RFX1: variants seen among roughly 807,000 people sequenced by gnomAD.
RFX1 encodes the protein MHC class II regulatory factor RFX1.
In RFX1, 42 loss-of-function variants were observed where a neutral mutation model predicts 119.6. The ratio of observed to expected loss-of-function variants is 0.35; its 90% CI spans 0.27 to 0.45. RFX1 has a LOEUF of 0.45. Ranked by LOEUF, RFX1 falls within the 20% of genes least tolerant of loss-of-function variation. RFX1 has a pLI of 1.00. For missense variants in RFX1, 1,118 were observed against 1,368.1 expected (o/e 0.82, Z 2.88); for synonymous variants, 628 against 618.5 (o/e 1.02, Z -0.23).
chr19:13,964,145 G>T, intron 16 of RFX1, 138 bp from the exon 17 acceptor site: 1 of 938,878 alleles, frequency 1.1e-6, no homozygotes, highest in Non-Finnish European at 1.5e-6. Flanking sequence ...CTTTTGTTGG[G>T]ACACAGAAGG....
intron 4 of RFX1, among the ~76,000 whole-genome samples, chr19:13,982,751 C>A (rs867543068): frequency 6.6e-6 from 1 of 152,154 alleles, no homozygotes; most frequent in African/African-American, 2.4e-5. Context: ...TTGCAGTGAG[C>A]CGAGATCGAG....
chr19:13,970,004 G>A lies in RFX1; in HGVS notation c.1486C>T (p.Leu496=). 1.2e-6 allele frequency: 2 copies of A among 1,610,262 alleles called. No individual in the cohort carries two copies. The highest frequency in any genetic ancestry group is 1.7e-6 in the Non-Finnish European group (2 of 1,177,902). ...SVFMGLRTRR[L]GTRGNSKYHY... is the part of the protein sequence containing the mutation. ...GACGGATGGCCCTACCTGGTGCCCA[G>A]ACGGCGGGTTCGCAGGCCCATGAAG... Residue 496 remains leucine, a synonymous_variant, in exon 10 of 21, where the codon CTG becomes TTG. Transcript: ENST00000254325.
In RFX1 at chr19:13,963,054, G is replaced by C. The variant is rs1295503176; in HGVS notation, c.2725-15C>G. On this transcript the variant is annotated splice_polypyrimidine_tract_variant and intron_variant, in intron 19 of 20. Coordinates refer to ENST00000254325, the MANE Select transcript of RFX1 (RefSeq NM_002918.5). ...AGATTGGCGAACTGGAGGAAGAAGAGAAGAAAATGGGTGAGGGTCCCGCCG... is the reference window on the plus strand; with the variant it reads ...AGATTGGCGAACTGGAGGAAGAAGACAAGAAAATGGGTGAGGGTCCCGCCG... The C allele has an allele frequency of 6.3e-7, 1 of 1,580,034 alleles. No homozygotes were observed. The highest frequency in any genetic ancestry group is 1.3e-5 in the African/African-American group (1 of 74,416).
In RFX1 at chr19:13,962,799, C is replaced by T; in HGVS notation, c.2836G>A (p.Gly946Ser). 6.5e-7 allele frequency: 1 copy of T among 1,530,064 alleles called. No homozygotes were observed. The highest frequency in any genetic ancestry group is 8.7e-7 in the Non-Finnish European group (1 of 1,143,076). The allele number at this position is 1,530,064 out of a possible 1,614,324, so 94.8% of individuals were successfully genotyped here. A position where few individuals can be genotyped will look rare whatever the true frequency, so the allele number is the denominator to read the frequency against. Residue 946 changes from glycine to serine, a missense_variant, in exon 21 of 21, where the codon GGC (glycine) becomes AGC (serine). By Grantham distance (56) the Gly-to-Ser change is moderately conservative. Around this residue, in one of 5 missense-constraint regions of RFX1, gnomAD observed 138 missense variants for 117.8 expected, o/e 1.17. Transcript: ENST00000254325. ...GGGCCCAGCGCGGGTGACTCGCCGC[C>T]AGCCGCCAGTGAGATGTCCTGCGGC... Reference protein sequence around the residue: ...ELPQDISLAAGGESPALGPET... With the variant: ...ELPQDISLAASGESPALGPET...
intron 1 of RFX1, among the ~76,000 whole-genome samples, chr19:13,995,222 G>C (rs1327958059): frequency 6.6e-6 from 1 of 151,906 alleles, no homozygotes; most frequent in Non-Finnish European, 1.5e-5. Context: ...GGTGTTCTAT[G>C]CTCCTGACTC....
At chr19:13,999,644 G>A (rs1975147460) in intron 1 of RFX1, among the ~76,000 whole-genome samples, 1 of 151,982 alleles carries the variant, frequency 6.6e-6, no homozygotes, top group Admixed American at 6.6e-5. Flanking sequence ...CAGGCAGCAG[G>A]CCATAGTTTG....
At position 13,965,800 on chromosome 19, in the gene RFX1, G is replaced by T; in HGVS notation, c.1962-23C>A. The T allele has an allele frequency of 6.2e-7, 1 of 1,610,532 alleles. No homozygotes were observed. The highest frequency in any genetic ancestry group is 1.1e-5 in the South Asian group (1 of 90,794). On this transcript the variant is annotated intron_variant, in intron 14 of 20. Transcript: ENST00000254325. The surrounding 1 kb of genome is among the most constrained non-coding windows in gnomAD (Gnocchi z 4.7). ...TGTCTGCGGGCACCCACCCCACCCC[G>T]GGTCACTGGGGTACTCTATGGTCCT...
chr19:14,004,144 C>T (rs968083965), intron 1 of RFX1, among the ~76,000 whole-genome samples: 3 of 152,076 alleles, frequency 2.0e-5, no homozygotes, highest in Non-Finnish European at 4.4e-5. Flanking sequence ...AGGTGATCCG[C>T]CCACCTCAGC....
intron 2 of RFX1, among the ~76,000 whole-genome samples, chr19:13,989,228 TAGGA>T (rs1974716963): frequency 6.7e-6 from 1 of 149,902 alleles, no homozygotes; most frequent in African/African-American, 2.5e-5. Flanking sequence ...TGTGGAGCTG[TAGGA>T]AGGCAAGAGG....
intron 1 of RFX1, among the ~76,000 whole-genome samples, chr19:13,999,711 C>T (rs11667043): frequency 0.38 from 56,544 of 150,714 alleles, 10,630 homozygotes; most frequent in African/African-American, 0.41. Flanking sequence ...GTTTCTCTTT[C>T]GTTGCCCAGG....
intron 12 of RFX1, among the ~76,000 whole-genome samples, chr19:13,967,285 G>C (rs1192131588): frequency 6.6e-6 from 1 of 152,110 alleles, no homozygotes; most frequent in African/African-American, 2.4e-5. Flanking sequence ...GGGTTCCAAG[G>C]GTTGCTTGTT....
chr19:14,003,147 G>A (rs1051556442), intron 1 of RFX1, among the ~76,000 whole-genome samples: 5 of 152,184 alleles, frequency 3.3e-5, no homozygotes, highest in South Asian at 2.1e-4. Flanking sequence ...TACCATGCCC[G>A]GCTACTTTTT....
At chr19:13,974,717 A>T (rs1156580406) in intron 8 of RFX1, among the ~76,000 whole-genome samples, 4 of 152,136 alleles carry the variant, frequency 2.6e-5, no homozygotes, top group Non-Finnish European at 5.9e-5. Context: ...CATAGTTTTG[A>T]TCTTTGAACT....
chr19:13,972,263 C>A (rs1974108316), intron 9 of RFX1, among the ~76,000 whole-genome samples: 1 of 148,368 alleles, frequency 6.7e-6, no homozygotes, highest in Non-Finnish European at 1.5e-5. Context: ...GTGGCGCAGT[C>A]TCCGCTCACT....
chr19:13,992,093 G>T (rs1314650405), intron 2 of RFX1, among the ~76,000 whole-genome samples: 1 of 152,090 alleles, frequency 6.6e-6, no homozygotes, highest in African/African-American at 2.4e-5. Context: ...AAGGACCAGG[G>T]CCAGCTTTGA....
intron 2 of RFX1, 76 bp from the exon 3 acceptor site, chr19:13,983,671 G>C: frequency 7.8e-7 from 1 of 1,282,360 alleles, no homozygotes; most frequent in South Asian, 1.3e-5. Context: ...CCCTGGAGGG[G>C]AAGATGCAGC....
chr19:13,973,266 A>AT (rs1161964478), intron 8 of RFX1, 139 bp from the exon 9 acceptor site: 1 of 668,258 alleles, frequency 1.5e-6, no homozygotes, highest in Non-Finnish European at 2.6e-6. Flanking sequence ...AGATCCTAGC[A>AT]TTCATCTACA....
At chr19:14,005,423 T>A (rs1247508366) in intron 1 of RFX1, among the ~76,000 whole-genome samples, 1 of 152,124 alleles carries the variant, frequency 6.6e-6, no homozygotes, top group Non-Finnish European at 1.5e-5. Flanking sequence ...AGTTATTTTA[T>A]CAAACCACAT....
Position 13,968,581 on chromosome 19 carries a change from C to T in RFX1, c.1716G>A (p.Gln572=), listed in dbSNP as rs1232075037. 3 of 1,613,408 alleles carry T rather than the reference C, an allele frequency of 1.9e-6. No individual in the cohort carries two copies. Among genetic ancestry groups the T allele is most frequent in the Non-Finnish European group, 2.5e-6 (3 of 1,179,884 alleles). The change falls in exon 12 of 21, where the codon CAG becomes CAA. Residue 572 remains glutamine, a synonymous_variant. Coordinates refer to ENST00000254325, the MANE Select transcript of RFX1 (RefSeq NM_002918.5). This position sits in a 1 kb window ranked among gnomAD's most constrained non-coding sequence, Gnocchi z 5.5. The part of the protein sequence containing the change: ...GLSDISAQVQ[Q]YQQFLDASRS... ...AGCTCTCACCCAAAAATTGCTGGTA[C>T]TGCTGCACCTGGGCGCTGATGTCCG...
Sources: gnomAD v4.1 joint callset for allele counts (sites outside exome capture counted in the v4.1 genomes callset) on GRCh38, gnomAD v4.1.1 for gene constraint, gnomAD v4.1.1 regional missense constraint, Gnocchi (gnomAD v3.1) non-coding constraint, MANE v1.5 for transcripts, NCBI Gene and HGNC (gene_info 2026-07-23, HGNC 2026-07-21) for gene names.